The following AGAP1 variants were observed in gnomAD, a reference collection of about 807,000 sequenced individuals.
AGAP1 encodes arf-GAP with GTPase, ANK repeat and PH domain-containing protein 1.
In AGAP1, 29 loss-of-function variants were observed where a neutral mutation model predicts 105.3. The observed-to-expected ratio is 0.28, with a 90% CI of 0.21 to 0.38. The LOEUF (loss-of-function observed/expected upper bound fraction) is 0.38, where lower values mean the gene tolerates loss of function less well. AGAP1 is among the 10% of genes least tolerant of loss of function. The probability of loss-of-function intolerance (pLI) is 1.00; values close to 1 mark genes in which losing one functional copy is unlikely to be tolerated. For synonymous variants in AGAP1, 509 were observed against 485.9 expected (o/e 1.05, Z -0.63); for missense variants, 998 against 1,165.1 (o/e 0.86, Z 2.09).
rs998537107 is a variant in AGAP1, at chr2:235,639,891, A to C, written c.164-69288A>C. On this transcript the variant is annotated intron_variant, in intron 1 of 17. Coordinates refer to ENST00000304032, the MANE Select transcript of AGAP1 (RefSeq NM_001037131.3). This position sits in a 1 kb window ranked among gnomAD's most constrained non-coding sequence, Gnocchi z 5.3. Reference sequence around the variant, plus strand: ...GGATTGATAGAGTCAGCAGGGATGGACAGTTTCCCCTTCAGCACCTTTATA... The same window carrying C: ...GGATTGATAGAGTCAGCAGGGATGGCCAGTTTCCCCTTCAGCACCTTTATA... Among the ~76,000 whole-genome samples the C allele has an allele frequency of 4.6e-5, 7 of 152,174 alleles. No individual in the cohort carries two copies. Among genetic ancestry groups the C allele is most frequent in the African/African-American group, 1.7e-4 (7 of 41,438 alleles).
chr2:236,048,111 G>A (rs2057777579), intron 15 of AGAP1, among the ~76,000 whole-genome samples: 1 of 152,228 alleles, frequency 6.6e-6, no homozygotes, highest in Non-Finnish European at 1.5e-5. Context: ...TGTGTCCAGA[G>A]TAAGCATTGC....
chr2:235,910,286 G>GGGCAGTCACTGAGCTGGTTCCTTCCC (rs2051537777), intron 11 of AGAP1, among the ~76,000 whole-genome samples: 1 of 7,684 alleles, frequency 1.3e-4, no homozygotes, highest in Non-Finnish European at 2.2e-4. Context: ...TGCCTGTGTT[G>GGGCAGTCACTGAGCTGGTTCCTTCCC]CAGGGGGGCG....
Position 236,102,841 on chromosome 2 carries a change from G to A in AGAP1, c.2115-17351G>A, listed in dbSNP as rs1050620332. Among the ~76,000 whole-genome samples the A allele has an allele frequency of 6.6e-5, 10 of 152,082 alleles. No individual in the cohort carries two copies. In the East Asian group the frequency reaches 7.7e-4, roughly 12 times the overall value. ...AAATACTAAAAATAAAAATATGTCCGGCTGCTTCTGGAACATTCTGGATGT... is the reference window on the plus strand; with the variant it reads ...AAATACTAAAAATAAAAATATGTCCAGCTGCTTCTGGAACATTCTGGATGT... On this transcript the variant is annotated intron_variant, in intron 16 of 17. Coordinates refer to ENST00000304032, the MANE Select transcript of AGAP1 (RefSeq NM_001037131.3).
intron 1 of AGAP1, among the ~76,000 whole-genome samples, chr2:235,638,629 T>C (rs1947089913): frequency 6.6e-6 from 1 of 152,136 alleles, no homozygotes; most frequent in Non-Finnish European, 1.5e-5. Context: ...TACCACAGTA[T>C]GAATGGTGGT....
At chr2:235,545,730 G>T (rs1445541576) in intron 1 of AGAP1, among the ~76,000 whole-genome samples, 1 of 152,200 alleles carries the variant, frequency 6.6e-6, no homozygotes, top group African/African-American at 2.4e-5. Flanking sequence ...CCTGTCACCT[G>T]CAGTGGCATT....
At chr2:235,597,443 A>G (rs1401740564) in intron 1 of AGAP1, among the ~76,000 whole-genome samples, 1 of 152,194 alleles carries the variant, frequency 6.6e-6, no homozygotes, top group African/African-American at 2.4e-5. Flanking sequence ...TTGCTTGGCC[A>G]GTCTTTCCGT....
chr2:235,913,444 A>AT (rs1200142268), intron 11 of AGAP1, among the ~76,000 whole-genome samples: 1 of 151,598 alleles, frequency 6.6e-6, no homozygotes, highest in Non-Finnish European at 1.5e-5. Context: ...TCTTTGTTGA[A>AT]TTTTTTTTCT....
In AGAP1 at chr2:235,662,238, G is replaced by A. The variant is rs766858880; in HGVS notation, c.164-46941G>A. On this transcript the variant is annotated intron_variant, in intron 1 of 17. Coordinates refer to ENST00000304032, the MANE Select transcript of AGAP1 (RefSeq NM_001037131.3). The surrounding 1 kb of genome is among the most constrained non-coding windows in gnomAD (Gnocchi z 4.2). ...AATCCCAGCTTTGTGTATCCACTCA[G>A]TTGCATGCCAGGTAGTCACATCTTA... Among the ~76,000 whole-genome samples, 10 of 152,216 alleles carry A rather than the reference G, an allele frequency of 6.6e-5. No homozygotes were observed. The highest frequency in any genetic ancestry group is 1.2e-4 in the Non-Finnish European group (8 of 68,042).
rs1484482654 is a variant in AGAP1 at position 235,691,051 on chromosome 2, G to A, written c.164-18128G>A. 6.6e-6 allele frequency among the ~76,000 whole-genome samples: 1 copy of A among 152,092 alleles called. No homozygotes were observed. The highest frequency in any genetic ancestry group is 1.5e-5 in the Non-Finnish European group (1 of 68,014). ...ACACTCAGATTAGTGTGCCTAGAGT[G>A]CCAAGGTGGGGGTTGTAGACAAGAT... On this transcript the variant is annotated intron_variant, in intron 1 of 17. Coordinates refer to ENST00000304032, the MANE Select transcript of AGAP1 (RefSeq NM_001037131.3). The surrounding 1 kb of genome is among the most constrained non-coding windows in gnomAD (Gnocchi z 4.4).
At chr2:235,710,858 G>T (rs1292510448) in intron 2 of AGAP1, among the ~76,000 whole-genome samples, 1 of 152,210 alleles carries the variant, frequency 6.6e-6, no homozygotes, top group Admixed American at 6.5e-5. Flanking sequence ...GTTTACTGGT[G>T]GTGATGGTGT....
chr2:235,606,089 A>G (rs1324257159), intron 1 of AGAP1, among the ~76,000 whole-genome samples: 1 of 152,228 alleles, frequency 6.6e-6, no homozygotes, highest in Non-Finnish European at 1.5e-5. Flanking sequence ...AGTTCTTGTA[A>G]ACAGTGTTGA....
rs561122050 is a variant in AGAP1, at chr2:235,733,237, C to G, written c.311-7726C>G. On this transcript the variant is annotated intron_variant, in intron 3 of 17. Coordinates refer to ENST00000304032, the MANE Select transcript of AGAP1 (RefSeq NM_001037131.3). This position sits in a 1 kb window ranked among gnomAD's most constrained non-coding sequence, Gnocchi z 5.0. Reference sequence around the variant, plus strand: ...CCAGGCAACACGGGCATCTTCTTTGCCTCCGGAGAGCCTTTGCCGGCCATT... The same window carrying G: ...CCAGGCAACACGGGCATCTTCTTTGGCTCCGGAGAGCCTTTGCCGGCCATT... Among the ~76,000 whole-genome samples the G allele has an allele frequency of 1.3e-4, 20 of 152,216 alleles. No individual in the cohort carries two copies. Among genetic ancestry groups the G allele is most frequent in the Non-Finnish European group, 2.2e-4 (15 of 68,044 alleles).
intron 12 of AGAP1, among the ~76,000 whole-genome samples, chr2:235,946,284 CTT>C (rs34759426): frequency 0.44 from 49,785 of 113,276 alleles, 9,093 homozygotes; most frequent in South Asian, 0.57. Context: ...GCTTTTTTTC[CTT>C]TTTTTTTTTT....
In AGAP1 at chr2:235,879,836, G is replaced by C. The variant is rs1055649164; in HGVS notation, c.1051-3509G>C. 6.6e-6 allele frequency among the ~76,000 whole-genome samples: 1 copy of C among 152,140 alleles called. No individual in the cohort carries two copies. The highest frequency in any genetic ancestry group is 1.5e-5 in the Non-Finnish European group (1 of 68,032). ...AGTCCTAGCTACTCGGAGGAGGCTG[G>C]CGCAGGAGAATTGCTTGAGCTGGAA... On this transcript the variant is annotated intron_variant, in intron 9 of 17. Transcript: ENST00000304032. The surrounding 1 kb of genome is among the most constrained non-coding windows in gnomAD (Gnocchi z 5.0).
At chr2:235,717,154 A>C (rs1025876309) in intron 2 of AGAP1, among the ~76,000 whole-genome samples, 14 of 149,906 alleles carry the variant, frequency 9.3e-5, no homozygotes, top group Admixed American at 6.6e-4. Flanking sequence ...GGTCCTCGCC[A>C]CTCTCCCCAC....
intron 12 of AGAP1, among the ~76,000 whole-genome samples, chr2:235,956,907 G>A (rs538686335): frequency 5.9e-5 from 9 of 152,206 alleles, no homozygotes; most frequent in Admixed American, 5.2e-4. Context: ...CCTCTCCCCC[G>A]TCTCACTAGA....
At position 235,600,042 on chromosome 2, in the gene AGAP1, A is replaced by G. The variant is rs990494860; in HGVS notation, c.163+105193A>G. ...AGCCACAGTAAACTTCAGGGTGTCA[A>G]CTTCAGGGGAATATAAACAGCCTCC... is the stretch of plus-strand genomic sequence containing the variant. On this transcript the variant is annotated intron_variant, in intron 1 of 17. Transcript: ENST00000304032. This position sits in a 1 kb window ranked among gnomAD's most constrained non-coding sequence, Gnocchi z 4.8. 6.6e-6 allele frequency among the ~76,000 whole-genome samples: 1 copy of G among 152,222 alleles called. No homozygotes were observed. Among genetic ancestry groups the G allele is most frequent in the African/African-American group, 2.4e-5 (1 of 41,454 alleles).
chr2:235,715,606 G>T lies in AGAP1; in HGVS notation c.223-1951G>T, dbSNP rs148190117. Among the ~76,000 whole-genome samples the T allele has an allele frequency of 2.3e-3, 353 of 152,312 alleles. 4 individuals are homozygous for T. The highest frequency in any genetic ancestry group is 0.02 in the East Asian group (103 of 5,182). On this transcript the variant is annotated intron_variant, in intron 2 of 17. Transcript: ENST00000304032. The stretch of plus-strand genomic sequence containing the variant: ...GTTTGTTCCTAAAATGTTTGGAGTT[G>T]GGCCTCCAGGCAGCAGGAGTCTCCC...
chr2:235,807,684 G>A (rs1008070858), intron 9 of AGAP1, among the ~76,000 whole-genome samples: 1 of 152,186 alleles, frequency 6.6e-6, no homozygotes, highest in Non-Finnish European at 1.5e-5. Context: ...AGCCCCTTGT[G>A]ATCACAGGAA....
Sources: gnomAD v4.1 joint callset for allele counts (sites outside exome capture counted in the v4.1 genomes callset) on GRCh38, gnomAD v4.1.1 for gene constraint, Gnocchi (gnomAD v3.1) non-coding constraint, MANE v1.5 for transcripts, NCBI Gene and HGNC (gene_info 2026-07-23, HGNC 2026-07-21) for gene names.